The following LMX1A variants were observed in gnomAD, a reference collection of about 807,000 sequenced individuals.
The protein encoded by LMX1A is LIM homeobox transcription factor 1-alpha.
LMX1A carries 15 observed loss-of-function variants against 49.1 expected under a neutral mutation model. That is an observed-to-expected ratio of 0.31 (90% CI 0.20 to 0.47). The LOEUF (loss-of-function observed/expected upper bound fraction) is 0.47, where lower values mean the gene tolerates loss of function less well. Ranked by LOEUF, LMX1A falls within the 20% of genes least tolerant of loss-of-function variation. The probability of loss-of-function intolerance (pLI) is 1.00; values close to 1 mark genes in which losing one functional copy is unlikely to be tolerated. For missense variants in LMX1A, 372 were observed against 475.8 expected, an observed-to-expected ratio of 0.78 and a Z score of 2.03; for synonymous variants, 167 against 185.7, an observed-to-expected ratio of 0.90 and a Z score of 0.82.
chr1:165,283,626 T>C (rs1438913477), intron 3 of LMX1A, among the ~76,000 whole-genome samples: 2 of 152,204 alleles, frequency 1.3e-5, no homozygotes, highest in Non-Finnish European at 2.9e-5. Flanking sequence ...CTTTACCACA[T>C]ACCCTGCATA....
intron 3 of LMX1A, among the ~76,000 whole-genome samples, chr1:165,276,129 C>T (rs1653960937): frequency 6.6e-6 from 1 of 152,016 alleles, no homozygotes; most frequent in South Asian, 2.1e-4. Context: ...AGTGCATCAT[C>T]CCTGGCTACA....
At chr1:165,233,136 C>G (rs1316391792) in intron 4 of LMX1A, among the ~76,000 whole-genome samples, 1 of 152,212 alleles carries the variant, frequency 6.6e-6, no homozygotes, top group African/African-American at 2.4e-5. Context: ...CACACAATTG[C>G]ATCCATGGAG....
At chr1:165,216,664 G>C (rs1205611414) in intron 4 of LMX1A, among the ~76,000 whole-genome samples, 1 of 152,064 alleles carries the variant, frequency 6.6e-6, no homozygotes, top group African/African-American at 2.4e-5. Flanking sequence ...TACTTGCATT[G>C]ACCCTTTTAC....
At chr1:165,292,010 C>T (rs1185343003) in intron 3 of LMX1A, among the ~76,000 whole-genome samples, 1 of 135,790 alleles carries the variant, frequency 7.4e-6, no homozygotes, top group Non-Finnish European at 1.5e-5. Flanking sequence ...TGCAGTGAGT[C>T]GAGATCGCGC....
chr1:165,291,056 T>A (rs1029119956), intron 3 of LMX1A, among the ~76,000 whole-genome samples: 9 of 152,224 alleles, frequency 5.9e-5, no homozygotes, highest in Non-Finnish European at 1.0e-4. Flanking sequence ...GTTAAAATGG[T>A]TAAAAATGGC....
At chr1:165,232,971 G>A (rs1424491732) in intron 4 of LMX1A, among the ~76,000 whole-genome samples, 1 of 152,198 alleles carries the variant, frequency 6.6e-6, no homozygotes, top group Admixed American at 6.6e-5. Context: ...GGAATAGGAT[G>A]TTGAACGGAC....
intron 3 of LMX1A, among the ~76,000 whole-genome samples, chr1:165,288,499 C>A (rs1162497115): frequency 6.6e-6 from 1 of 152,134 alleles, no homozygotes; most frequent in Non-Finnish European, 1.5e-5. Flanking sequence ...AACTACAAGG[C>A]AACGTGAAGC....
rs1285474724 is a variant in LMX1A at position 165,356,539 on chromosome 1, G to C, written c.-207C>G. On this transcript the variant is annotated 5_prime_UTR_variant, in exon 1 of 9. Coordinates refer to ENST00000342310, the MANE Select transcript of LMX1A (RefSeq NM_177398.4). Reference sequence around the variant, plus strand: ...TGGCTCTGCTCCTCGGCGCGCCCAGGCTGGGCCGGGACGTGGTCGCGAGCT... The same window carrying C: ...TGGCTCTGCTCCTCGGCGCGCCCAGCCTGGGCCGGGACGTGGTCGCGAGCT... The C allele has an allele frequency of 6.6e-6, 1 of 152,186 alleles. No individual in the cohort carries two copies. The highest frequency in any genetic ancestry group is 1.5e-5 in the Non-Finnish European group (1 of 68,018). The allele number at this position is 152,186 out of a possible 1,614,324, so 9.4% of individuals were successfully genotyped here. A position where few individuals can be genotyped will look rare whatever the true frequency, so the allele number is the denominator to read the frequency against.
chr1:165,283,215 A>G (rs1282458008), intron 3 of LMX1A, among the ~76,000 whole-genome samples: 1 of 152,216 alleles, frequency 6.6e-6, no homozygotes, highest in East Asian at 1.9e-4. Context: ...AACTGCCTAC[A>G]GTGTTCAGTA....
At chr1:165,296,306 G>T (rs1654612791) in intron 3 of LMX1A, among the ~76,000 whole-genome samples, 2 of 152,184 alleles carry the variant, frequency 1.3e-5, no homozygotes, top group South Asian at 4.1e-4. Context: ...AAGCGAGAAG[G>T]GTGTTACAAC....
At chr1:165,271,137 T>C (rs1653779936) in intron 3 of LMX1A, among the ~76,000 whole-genome samples, 1 of 152,184 alleles carries the variant, frequency 6.6e-6, no homozygotes, top group South Asian at 2.1e-4. Context: ...GGGGAAGACA[T>C]GTGGTCCTGT....
At position 165,355,371 on chromosome 1, in the gene LMX1A, T is replaced by C; in HGVS notation, c.76+113A>G. 8 of 965,062 alleles carry C rather than the reference T, an allele frequency of 8.3e-6. No homozygotes were observed. The highest frequency in any genetic ancestry group is 1.3e-5 in the Non-Finnish European group (8 of 624,918). 59.8% of individuals were successfully genotyped at this position (965,062 alleles called of 1,614,324 possible). A position where few individuals can be genotyped will look rare whatever the true frequency, so the allele number is the denominator to read the frequency against. ...TAGTGATGGGGCTCAATTTAGTGTA[T>C]GAAGAGGGGCGCTAGCTTCCCTATC... is the stretch of plus-strand genomic sequence containing the variant. On this transcript the variant is annotated intron_variant, in intron 2 of 8. Transcript: ENST00000342310. The surrounding 1 kb of genome is among the most constrained non-coding windows in gnomAD (Gnocchi z 4.7).
At chr1:165,219,396 G>A (rs183841195) in intron 4 of LMX1A, among the ~76,000 whole-genome samples, 13 of 152,258 alleles carry the variant, frequency 8.5e-5, no homozygotes, top group East Asian at 3.9e-4. Flanking sequence ...CCTCATAAAT[G>A]TCTTTTAGAC....
At chr1:165,333,560 T>C (rs1436728409) in intron 3 of LMX1A, among the ~76,000 whole-genome samples, 1 of 152,238 alleles carries the variant, frequency 6.6e-6, no homozygotes, top group African/African-American at 2.4e-5. Flanking sequence ...AATCTCCCAC[T>C]TTTAAATTTG....
At chr1:165,313,195 C>T (rs1655123096) in intron 3 of LMX1A, among the ~76,000 whole-genome samples, 1 of 152,078 alleles carries the variant, frequency 6.6e-6, no homozygotes, top group African/African-American at 2.4e-5. Context: ...ATGCAGAGTT[C>T]CATGTTGAAA....
chr1:165,237,993 G>C (rs12079805), intron 4 of LMX1A, among the ~76,000 whole-genome samples: 2 of 152,160 alleles, frequency 1.3e-5, no homozygotes, highest in Non-Finnish European at 2.9e-5. Flanking sequence ...AGATATGAAA[G>C]ACTGAAGTCA....
chr1:165,308,431 G>A (rs1023334021), intron 3 of LMX1A, among the ~76,000 whole-genome samples: 12 of 152,206 alleles, frequency 7.9e-5, no homozygotes, highest in African/African-American at 2.9e-4. Context: ...GATACCATGT[G>A]TATGTGATTC....
chr1:165,217,144 C>T (rs1651670266), intron 4 of LMX1A, among the ~76,000 whole-genome samples: 1 of 152,146 alleles, frequency 6.6e-6, no homozygotes, highest in African/African-American at 2.4e-5. Flanking sequence ...TGACCCTAGC[C>T]AACATGTAGA....
At chr1:165,345,660 A>C (rs1259043262) in intron 3 of LMX1A, among the ~76,000 whole-genome samples, 1 of 152,174 alleles carries the variant, frequency 6.6e-6, no homozygotes, top group African/African-American at 2.4e-5. Context: ...CATACCTGAG[A>C]GTTACGCTAC....
Sources: allele counts gnomAD v4.1 joint callset (sites outside exome capture counted in the v4.1 genomes callset), GRCh38; gene constraint gnomAD v4.1.1; non-coding constraint Gnocchi (gnomAD v3.1); transcripts MANE v1.5; gene names NCBI Gene and HGNC (gene_info 2026-07-23, HGNC 2026-07-21).